Variants in NCOA3 observed in about 807,000 individuals in gnomAD.
The protein encoded by NCOA3 is nuclear receptor coactivator 3.
A neutral mutation model predicts 158.8 loss-of-function variants in NCOA3; 51 were observed. The observed-to-expected ratio is 0.32, with a 90% CI of 0.26 to 0.41. NCOA3 has a LOEUF of 0.41. Ranked by LOEUF, NCOA3 falls within the 10% of genes least tolerant of loss-of-function variation. The probability of loss-of-function intolerance (pLI) is 1.00; values close to 1 mark genes in which losing one functional copy is unlikely to be tolerated. For synonymous variants in NCOA3, 537 were observed against 592.4 expected, an observed-to-expected ratio of 0.91 and a Z score of 1.36; for missense variants, 1,510 against 1,746.6, an observed-to-expected ratio of 0.86 and a Z score of 2.41.
At chr20:47,543,722 C>G (rs2084781794) in intron 1 of NCOA3, among the ~76,000 whole-genome samples, 1 of 152,074 alleles carries the variant, frequency 6.6e-6, no homozygotes. Flanking sequence ...GTTGGCCAGG[C>G]TGGTCTCGAA....
At chr20:47,511,133 C>T (rs999261733) in intron 1 of NCOA3, among the ~76,000 whole-genome samples, 39 of 151,974 alleles carry the variant, frequency 2.6e-4, no homozygotes, top group Non-Finnish European at 4.6e-4. Flanking sequence ...AGTGATAAGT[C>T]GGTTTTGCCT....
chr20:47,516,919 TAAAAA>T (rs3092586), intron 1 of NCOA3, among the ~76,000 whole-genome samples: 1 of 126,294 alleles, frequency 7.9e-6, no homozygotes, highest in Non-Finnish European at 1.7e-5. Context: ...GACCCTGTCT[TAAAAA>T]AAAAAAAAAA....
rs915248108 is a variant in NCOA3, at chr20:47,653,588, G to A, written c.*171G>A. 14 of 767,404 alleles carry A rather than the reference G, an allele frequency of 1.8e-5. No homozygotes were observed. Among genetic ancestry groups the A allele is most frequent in the African/African-American group, 5.2e-5 (3 of 57,364 alleles). 47.5% of individuals were successfully genotyped at this position (767,404 alleles called of 1,614,324 possible). A position where few individuals can be genotyped will look rare whatever the true frequency, so the allele number is the denominator to read the frequency against. On this transcript the variant is annotated 3_prime_UTR_variant, in exon 23 of 23. Transcript: ENST00000371998. ...TTTGAGCAGGACTGGATTTTAAGCC[G>A]AAGGGCAATATCTACGTGTTTTTCC...
At chr20:47,545,431 C>T (rs2084812867) in intron 1 of NCOA3, among the ~76,000 whole-genome samples, 1 of 152,040 alleles carries the variant, frequency 6.6e-6, no homozygotes, top group Non-Finnish European at 1.5e-5. Context: ...CCTGCTTTGG[C>T]CTCCCAAAGT....
At chr20:47,629,718 CT>C (rs1350788767) in intron 8 of NCOA3, among the ~76,000 whole-genome samples, 1 of 152,108 alleles carries the variant, frequency 6.6e-6, no homozygotes, top group Non-Finnish European at 1.5e-5. Context: ...TTATTTTATC[CT>C]TTTAGAGTGA....
intron 1 of NCOA3, among the ~76,000 whole-genome samples, chr20:47,549,615 G>A (rs1375376512): frequency 6.6e-6 from 1 of 150,946 alleles, no homozygotes; most frequent in Non-Finnish European, 1.5e-5. Context: ...GGTGGTGGTT[G>A]GATCTAGAGG....
At chr20:47,613,432 C>G (rs2086075277) in intron 2 of NCOA3, among the ~76,000 whole-genome samples, 1 of 148,312 alleles carries the variant, frequency 6.7e-6, no homozygotes, top group African/African-American at 2.5e-5. Flanking sequence ...ACATTTATCC[C>G]TGTTTTCTGG....
At position 47,636,129 on chromosome 20, in the gene NCOA3, G is replaced by C. The variant is rs2086511217; in HGVS notation, c.1743G>C (p.Glu581Asp). 6.2e-7 allele frequency: 1 copy of C among 1,614,094 alleles called. No individual in the cohort carries two copies. The highest frequency in any genetic ancestry group is 1.3e-5 in the African/African-American group (1 of 74,938). ...TTTATTGCGACCAAAATCCAGTGGA[G>C]AGTTCAATGTGTCAGTCAAATAGCA... ...LGFYCDQNPVESSMCQSNSRD... is the reference protein window; with the variant it reads ...LGFYCDQNPVDSSMCQSNSRD... The change falls in exon 12 of 23, where the codon GAG (glutamate) becomes GAC (aspartate). Residue 581 changes from glutamate to aspartate, a missense_variant. Glu to Asp is a conservative substitution (Grantham distance 45). Coordinates refer to ENST00000371998, the MANE Select transcript of NCOA3 (RefSeq NM_181659.3).
intron 1 of NCOA3, among the ~76,000 whole-genome samples, chr20:47,513,506 A>G (rs527602311): frequency 1.4e-4 from 22 of 152,222 alleles, no homozygotes; most frequent in Admixed American, 7.2e-4. Context: ...CAAGCAGATC[A>G]TTCAAGGCCA....
At chr20:47,573,268 C>G (rs1019335325) in intron 1 of NCOA3, among the ~76,000 whole-genome samples, 3 of 152,144 alleles carry the variant, frequency 2.0e-5, no homozygotes, top group African/African-American at 7.2e-5. Context: ...TGGCAGGCGC[C>G]TATAACCCCA....
intron 2 of NCOA3, among the ~76,000 whole-genome samples, chr20:47,621,588 T>A (rs2086240894): frequency 6.6e-6 from 1 of 152,000 alleles, no homozygotes; most frequent in African/African-American, 2.4e-5. Context: ...CAACAAGAAG[T>A]ACTCTACATT....
chr20:47,644,940 C>T (rs1000526964), intron 17 of NCOA3, among the ~76,000 whole-genome samples: 2 of 151,930 alleles, frequency 1.3e-5, no homozygotes, highest in African/African-American at 4.8e-5. Context: ...TCGTGATCCA[C>T]CTGCCTCGGC....
intron 1 of NCOA3, among the ~76,000 whole-genome samples, chr20:47,521,337 A>G (rs1039471445): frequency 4.0e-5 from 6 of 151,740 alleles, no homozygotes; most frequent in Non-Finnish European, 7.3e-5. Context: ...GCACTCGAAT[A>G]TAAGATTTTC....
chr20:47,634,025 T>C lies in NCOA3; in HGVS notation c.965-23T>C, dbSNP rs1256083480. ...TTGTTTTGCTGACTGTAGTTACCAG[T>C]GATGGGATATTTTCCCCAACAGCTT... is the stretch of plus-strand genomic sequence containing the variant. On this transcript the variant is annotated intron_variant, in intron 9 of 22. Coordinates refer to ENST00000371998, the MANE Select transcript of NCOA3 (RefSeq NM_181659.3). 3.1e-6 allele frequency: 5 copies of C among 1,613,656 alleles called. No individual in the cohort carries two copies. The African/African-American group carries it at 6.7e-5, about 22-fold the overall frequency.
chr20:47,633,455 G>A (rs764973158), intron 8 of NCOA3, 41 bp from the exon 9 acceptor site: 2 of 1,565,260 alleles, frequency 1.3e-6, no homozygotes, highest in East Asian at 4.5e-5. Flanking sequence ...AAATACTTGT[G>A]GGCTGGATAT....
At chr20:47,577,540 A>G (rs2085391200) in intron 1 of NCOA3, among the ~76,000 whole-genome samples, 1 of 152,216 alleles carries the variant, frequency 6.6e-6, no homozygotes, top group Non-Finnish European at 1.5e-5. Flanking sequence ...GTCTAGCACA[A>G]TGTGGCACAT....
At chr20:47,559,745 G>A (rs914336887) in intron 1 of NCOA3, among the ~76,000 whole-genome samples, 1 of 152,120 alleles carries the variant, frequency 6.6e-6, no homozygotes, top group Non-Finnish European at 1.5e-5. Flanking sequence ...TAGCCTCCCA[G>A]GTTCCAGTGA....
intron 2 of NCOA3, among the ~76,000 whole-genome samples, chr20:47,588,927 C>G (rs2085580394): frequency 6.6e-6 from 1 of 152,028 alleles, no homozygotes; most frequent in South Asian, 2.1e-4. Flanking sequence ...TGGCTCTTGT[C>G]TCTCAGGCTG....
chr20:47,642,250 C>T lies in NCOA3; in HGVS notation c.3118C>T (p.Pro1040Ser). 7 of 1,606,440 alleles carry T rather than the reference C, an allele frequency of 4.4e-6. No individual in the cohort carries two copies. Among genetic ancestry groups the T allele is most frequent in the Non-Finnish European group, 5.9e-6 (7 of 1,177,578 alleles). The change falls in exon 17 of 23, where the codon CCA (proline) becomes TCA (serine). Residue 1040 changes from proline to serine, a missense_variant. Transcript: ENST00000371998. ...LRNSLDDLVG[P>S]PSNLEGQSDE... The stretch of plus-strand genomic sequence containing the variant: ...GAATTCCCTGGATGATCTTGTTGGG[C>T]CACCTTCCAACCTGGAAGGCCAGAG...
Sources: gnomAD v4.1 joint callset for allele counts (sites outside exome capture counted in the v4.1 genomes callset) on GRCh38, gnomAD v4.1.1 for gene constraint, MANE v1.5 for transcripts, NCBI Gene and HGNC (gene_info 2026-07-23, HGNC 2026-07-21) for gene names.